BEND5: variants seen among roughly 807,000 people sequenced by gnomAD.
BEND5 encodes the protein BEN domain-containing protein 5.
A neutral mutation model predicts 43.9 loss-of-function variants in BEND5; 22 were observed. The ratio of observed to expected loss-of-function variants is 0.50; its 90% CI spans 0.36 to 0.72. The LOEUF is 0.72. Among genes scored for constraint, BEND5 ranks in the 30% least tolerant of loss-of-function variants. BEND5 has a pLI of 0.00. For missense variants in BEND5, 428 were observed against 550.6 expected, an observed-to-expected ratio of 0.78 and a Z score of 2.23; for synonymous variants, 228 against 225.9, an observed-to-expected ratio of 1.01 and a Z score of -0.08.
In BEND5 at chr1:48,735,419, A is replaced by G. The variant is rs761210473; in HGVS notation, c.1108+820T>C. 8.7e-4 allele frequency among the ~76,000 whole-genome samples: 133 copies of G among 152,064 alleles called. 1 individual carries two copies. Among genetic ancestry groups the G allele is most frequent in the Non-Finnish European group, 3.4e-4 (23 of 67,976 alleles). ...GTGGGAGAGAGGGAGGAAAGAAAAA[A>G]GACAGAGGAGAAAGAAGAGAGGAGG... On this transcript the variant is annotated intron_variant, in intron 5 of 5. Transcript: ENST00000371833.
intron 5 of BEND5, among the ~76,000 whole-genome samples, chr1:48,730,558 T>A (rs1441347131): frequency 6.6e-6 from 1 of 152,082 alleles, no homozygotes; most frequent in Non-Finnish European, 1.5e-5. Flanking sequence ...CTAGCATTAG[T>A]CAGGGAAGTG....
intron 1 of BEND5, among the ~76,000 whole-genome samples, chr1:48,770,533 C>G (rs888852123): frequency 2.0e-5 from 3 of 152,172 alleles, no homozygotes; most frequent in Non-Finnish European, 2.9e-5. Context: ...ACTCTGCACT[C>G]TCTCCCACTG....
chr1:48,740,997 C>T (rs1649830393), intron 4 of BEND5, among the ~76,000 whole-genome samples: 1 of 152,180 alleles, frequency 6.6e-6, no homozygotes, highest in Non-Finnish European at 1.5e-5. Context: ...CTGTTCAACT[C>T]ACGTGTAAAA....
intron 5 of BEND5, among the ~76,000 whole-genome samples, chr1:48,729,075 A>G (rs1647672577): frequency 1.3e-5 from 2 of 152,182 alleles, no homozygotes; most frequent in South Asian, 4.1e-4. Flanking sequence ...TAGATTCCTC[A>G]CTTCATAAAT....
chr1:48,750,447 G>A (rs72904848), intron 3 of BEND5, among the ~76,000 whole-genome samples: 18,129 of 152,070 alleles, frequency 0.12, 1,722 homozygotes, highest in African/African-American at 0.26. Context: ...CCTTAACTTG[G>A]GGCCTCCTGC....
intron 5 of BEND5, among the ~76,000 whole-genome samples, chr1:48,735,258 G>A (rs1005694839): frequency 6.6e-6 from 1 of 152,150 alleles, no homozygotes; most frequent in Non-Finnish European, 1.5e-5. Flanking sequence ...GTTTTCTGTA[G>A]AGTAACTAGT....
chr1:48,765,538 T>C (rs765649333), intron 1 of BEND5, among the ~76,000 whole-genome samples: 14 of 152,218 alleles, frequency 9.2e-5, no homozygotes, highest in Non-Finnish European at 1.5e-4. Flanking sequence ...ACAGAATTAC[T>C]ATAACCCAGC....
At chr1:48,731,739 AACTTAAAGT>A (rs1036080026) in intron 5 of BEND5, among the ~76,000 whole-genome samples, 12 of 152,242 alleles carry the variant, frequency 7.9e-5, no homozygotes, top group Non-Finnish European at 1.5e-5. Flanking sequence ...CCATGGTAAT[AACTTAAAGT>A]TCAAGGGGAA....
rs1332767528 is a variant in BEND5, at chr1:48,736,529, G to T, written c.895-77C>A. ...GGAGGCTTCTCTTGTCCTTTAAAAAGCATTGCTGCACAACTGTAAGAGATT... is the reference window on the plus strand; with the variant it reads ...GGAGGCTTCTCTTGTCCTTTAAAAATCATTGCTGCACAACTGTAAGAGATT... On this transcript the variant is annotated intron_variant, in intron 4 of 5. Transcript: ENST00000371833. This position sits in a 1 kb window ranked among gnomAD's most constrained non-coding sequence, Gnocchi z 4.0. 8.1e-7 allele frequency: 1 copy of T among 1,232,252 alleles called. No individual in the cohort carries two copies. The highest frequency in any genetic ancestry group is 1.2e-6 in the Non-Finnish European group (1 of 848,814). 76.3% of individuals were successfully genotyped at this position (1,232,252 alleles called of 1,614,324 possible). A position where few individuals can be genotyped will look rare whatever the true frequency, so the allele number is the denominator to read the frequency against.
In BEND5 at chr1:48,761,340, G is replaced by A. The variant is rs777996088; in HGVS notation, c.357C>T (p.Ile119=). The change falls in exon 2 of 6, where the codon ATC becomes ATT. Residue 119 remains isoleucine (I), a synonymous_variant. Coordinates refer to ENST00000371833, the MANE Select transcript of BEND5 (RefSeq NM_024603.4). ...YGEEDLQLRH[I]KRPEGRKPSE... Reference sequence around the variant, plus strand: ...AAGAAAGGAAAGATTTTGTTACCTTGATGTGTCTAAGCTGTAAATCTTCTT... The same window carrying A: ...AAGAAAGGAAAGATTTTGTTACCTTAATGTGTCTAAGCTGTAAATCTTCTT... The A allele has an allele frequency of 6.5e-7, 1 of 1,548,086 alleles. No homozygotes were observed. The highest frequency in any genetic ancestry group is 2.4e-5 in the East Asian group (1 of 40,896).
At chr1:48,750,308 C>T (rs1197469006) in intron 3 of BEND5, among the ~76,000 whole-genome samples, 5 of 152,174 alleles carry the variant, frequency 3.3e-5, no homozygotes, top group Non-Finnish European at 7.3e-5. Flanking sequence ...TGTCTGCAAC[C>T]TCATCTCTTC....
intron 1 of BEND5, among the ~76,000 whole-genome samples, chr1:48,767,837 T>A (rs188312445): frequency 1.3e-5 from 2 of 152,298 alleles, no homozygotes; most frequent in East Asian, 3.9e-4. Flanking sequence ...CACCAAAGAT[T>A]TGGGCATTAT....
At chr1:48,750,253 A>G (rs1651476606) in intron 3 of BEND5, among the ~76,000 whole-genome samples, 2 of 152,262 alleles carry the variant, frequency 1.3e-5, no homozygotes, top group East Asian at 3.9e-4. Context: ...GCCCCCATGA[A>G]CCACCTGTAG....
rs1128934 is a variant in BEND5, at chr1:48,758,912, G to A, written c.733C>T (p.Arg245Trp). 6.6e-7 allele frequency: 1 copy of A among 1,525,916 alleles called. No homozygotes were observed. The highest frequency in any genetic ancestry group is 8.8e-7 in the Non-Finnish European group (1 of 1,139,974). The allele number at this position is 1,525,916 out of a possible 1,614,324, so 94.5% of individuals were successfully genotyped here. A position where few individuals can be genotyped will look rare whatever the true frequency, so the allele number is the denominator to read the frequency against. ...NRRLQDVLLL[R>W]LGSGPAIDLE... ...CTGGGGCACTCACCGCTGCCAAGCC[G>A]CAGGAGCAGCACGTCCTGGAGCCTC... Residue 245 changes from arginine to tryptophan, a missense_variant, in exon 3 of 6, where the codon CGG (arginine) becomes TGG (tryptophan). Coordinates refer to ENST00000371833, the MANE Select transcript of BEND5 (RefSeq NM_024603.4).
At position 48,727,705 on chromosome 1, in the gene BEND5, C is replaced by T; in HGVS notation, c.*181G>A. 1 of 439,760 alleles carries T rather than the reference C, an allele frequency of 2.3e-6. No individual in the cohort carries two copies. Among genetic ancestry groups the T allele is most frequent in the Non-Finnish European group, 3.9e-6 (1 of 253,714 alleles). 27.2% of individuals were successfully genotyped at this position (439,760 alleles called of 1,614,324 possible). On this transcript the variant is annotated 3_prime_UTR_variant, in exon 6 of 6. Coordinates refer to ENST00000371833, the MANE Select transcript of BEND5 (RefSeq NM_024603.4). ...CCAGTGCCAGGCTGCTCCTGAGTCT[C>T]AGCAAAGCCATCTGTCGTCTTTGGA...
At chr1:48,766,595 G>A (rs1644543283) in intron 1 of BEND5, among the ~76,000 whole-genome samples, 1 of 152,216 alleles carries the variant, frequency 6.6e-6, no homozygotes, top group African/African-American at 2.4e-5. Flanking sequence ...TGGCTGAATA[G>A]TCCAGGAAGC....
chr1:48,731,538 A>G (rs942208180), intron 5 of BEND5, among the ~76,000 whole-genome samples: 9 of 152,172 alleles, frequency 5.9e-5, no homozygotes, highest in Non-Finnish European at 8.8e-5. Context: ...CACCCACCCC[A>G]AAAGGTCAGA....
chr1:48,756,649 C>T (rs1318023756), intron 3 of BEND5, among the ~76,000 whole-genome samples: 6 of 152,218 alleles, frequency 3.9e-5, no homozygotes, highest in Admixed American at 3.9e-4. Flanking sequence ...ATACAACCTC[C>T]TCTTAAGGGT....
In BEND5 at chr1:48,776,850, GC is replaced by G; in HGVS notation, c.-20del. 1 of 1,473,026 alleles carries G rather than the reference GC, an allele frequency of 6.8e-7. No individual in the cohort carries two copies. The highest frequency in any genetic ancestry group is 3.0e-5 in the East Asian group (1 of 33,176). The allele number at this position is 1,473,026 out of a possible 1,614,324, so 91.2% of individuals were successfully genotyped here. Reference sequence around the variant, plus strand: ...CGTACATGGTGGGCGCCGGGGGCGGGCCCCGGTCGGGCAGCTCAGCCCGCGG... The same window carrying G: ...CGTACATGGTGGGCGCCGGGGGCGGGCCCGGTCGGGCAGCTCAGCCCGCGG... On this transcript the variant is annotated 5_prime_UTR_variant, in exon 1 of 6. Transcript: ENST00000371833.
Sources: allele counts gnomAD v4.1 joint callset (sites outside exome capture counted in the v4.1 genomes callset), GRCh38; gene constraint gnomAD v4.1.1; non-coding constraint Gnocchi (gnomAD v3.1); transcripts MANE v1.5; gene names NCBI Gene and HGNC (gene_info 2026-07-23, HGNC 2026-07-21).